Variants in ASIC2 observed in about 807,000 individuals in gnomAD.
ASIC2 encodes the protein acid-sensing ion channel 2.
In ASIC2, 25 loss-of-function variants were observed where a neutral mutation model predicts 57.3. That is an observed-to-expected ratio of 0.44 (90% CI 0.32 to 0.61). ASIC2 has a LOEUF of 0.61. Among genes scored for constraint, ASIC2 ranks in the 20% least tolerant of loss-of-function variants. The pLI, the probability that ASIC2 is intolerant of heterozygous loss-of-function variation, is 0.06. For synonymous variants in ASIC2, 319 were observed against 307.5 expected (o/e 1.04, Z -0.39); for missense variants, 641 against 738.1 (o/e 0.87, Z 1.52).
At chr17:33,320,613 C>T (rs1906831384) in intron 1 of ASIC2, among the ~76,000 whole-genome samples, 1 of 152,172 alleles carries the variant, frequency 6.6e-6, no homozygotes, top group Non-Finnish European at 1.5e-5. Flanking sequence ...CACATCATCT[C>T]GTCGGCTCAT....
At chr17:33,865,902 T>G (rs1914226322) in intron 1 of ASIC2, among the ~76,000 whole-genome samples, 1 of 152,166 alleles carries the variant, frequency 6.6e-6, no homozygotes, top group South Asian at 2.1e-4. Context: ...TTTCTATTAC[T>G]TCTTCCTAAT....
chr17:33,191,506 G>A (rs1011959318), intron 1 of ASIC2, among the ~76,000 whole-genome samples: 8 of 151,654 alleles, frequency 5.3e-5, no homozygotes, highest in African/African-American at 1.9e-4. Context: ...CCTCAATACA[G>A]CCATAAAATG....
chr17:34,068,095 TAA>T (rs1274798362), intron 1 of ASIC2, among the ~76,000 whole-genome samples: 1 of 152,196 alleles, frequency 6.6e-6, no homozygotes, highest in African/African-American at 2.4e-5. Context: ...GAGGCATTAG[TAA>T]AAGAGGTTAC....
intron 1 of ASIC2, among the ~76,000 whole-genome samples, chr17:33,558,025 T>C (rs190891910): frequency 6.6e-6 from 1 of 152,034 alleles, no homozygotes. Context: ...ATATATATTT[T>C]AAAGTCTTTA....
At chr17:33,237,264 G>A (rs1479644814) in intron 1 of ASIC2, among the ~76,000 whole-genome samples, 2 of 152,202 alleles carry the variant, frequency 1.3e-5, no homozygotes, top group African/African-American at 2.4e-5. Context: ...CTGGGCCTGA[G>A]GCTGCAGAAT....
At chr17:33,707,295 C>T (rs2142073431) in intron 1 of ASIC2, among the ~76,000 whole-genome samples, 1 of 152,236 alleles carries the variant, frequency 6.6e-6, no homozygotes, top group East Asian at 1.9e-4. Flanking sequence ...CAAATTTTCT[C>T]ATTCTAGCTC....
chr17:33,912,856 A>G lies in ASIC2; in HGVS notation c.555+243122T>C, dbSNP rs200272648. The stretch of plus-strand genomic sequence containing the variant: ...TAGCGGGGCGTGGTGGTGCATGCCT[A>G]TAATCCCAGCTACACTGGAGGCTGA... On this transcript the variant is annotated intron_variant, in intron 1 of 9. Transcript: ENST00000359872. Among the ~76,000 whole-genome samples, 47 of 151,902 alleles carry G rather than the reference A, an allele frequency of 3.1e-4. 1 individual carries two copies. In the East Asian group the frequency reaches 8.6e-3, roughly 28 times the overall value.
intron 1 of ASIC2, among the ~76,000 whole-genome samples, chr17:33,854,326 C>T (rs1292752576): frequency 6.6e-6 from 1 of 152,144 alleles, no homozygotes; most frequent in Non-Finnish European, 1.5e-5. Context: ...GTCATGTGTG[C>T]AGACCCTCAA....
chr17:33,040,263 GACCTATGGT>G (rs2091924643), intron 3 of ASIC2, among the ~76,000 whole-genome samples: 1 of 152,224 alleles, frequency 6.6e-6, no homozygotes, highest in Non-Finnish European at 1.5e-5. Flanking sequence ...ACACTCCAAT[GACCTATGGT>G]TCCAATGAAG....
intron 1 of ASIC2, among the ~76,000 whole-genome samples, chr17:34,141,026 G>T (rs1314986926): frequency 2.0e-5 from 3 of 152,286 alleles, no homozygotes; most frequent in African/African-American, 7.2e-5. Context: ...CATGCCTCCA[G>T]ATAGGCTATG....
chr17:33,304,045 TAGAG>T (rs2097613332), intron 1 of ASIC2, among the ~76,000 whole-genome samples: 1 of 152,086 alleles, frequency 6.6e-6, no homozygotes, highest in African/African-American at 2.4e-5. Flanking sequence ...CTTTTCATAA[TAGAG>T]GGAAAAAATA....
At chr17:33,580,867 C>T (rs1290718321) in intron 1 of ASIC2, among the ~76,000 whole-genome samples, 5 of 152,182 alleles carry the variant, frequency 3.3e-5, no homozygotes, top group Admixed American at 1.3e-4. Flanking sequence ...GTAATAGTGT[C>T]ATCTGCATAG....
At chr17:33,485,361 G>T (rs1597746814) in intron 1 of ASIC2, among the ~76,000 whole-genome samples, 1 of 152,186 alleles carries the variant, frequency 6.6e-6, no homozygotes, top group East Asian at 1.9e-4. Context: ...TAGAATCCAA[G>T]GGCACTGCCT....
intron 1 of ASIC2, among the ~76,000 whole-genome samples, chr17:33,254,310 C>G (rs1908984267): frequency 6.6e-6 from 1 of 152,216 alleles, no homozygotes; most frequent in Non-Finnish European, 1.5e-5. Flanking sequence ...TGTCCCTGTC[C>G]TCATACTGTC....
chr17:33,970,049 G>A (rs1156931580), intron 1 of ASIC2, among the ~76,000 whole-genome samples: 1 of 152,208 alleles, frequency 6.6e-6, no homozygotes, highest in Non-Finnish European at 1.5e-5. Context: ...CTATTTCCTC[G>A]GCAGTTCTGA....
At chr17:34,097,893 T>G (rs1304273067) in intron 1 of ASIC2, among the ~76,000 whole-genome samples, 1 of 152,256 alleles carries the variant, frequency 6.6e-6, no homozygotes, top group East Asian at 1.9e-4. Flanking sequence ...GGCAGACCAC[T>G]CCACCAATAT....
intron 1 of ASIC2, among the ~76,000 whole-genome samples, chr17:33,769,729 C>G (rs1186532919): frequency 6.6e-6 from 1 of 152,226 alleles, no homozygotes; most frequent in Non-Finnish European, 1.5e-5. Flanking sequence ...CACTCTCAAA[C>G]AGCAAACATT....
At chr17:33,669,523 G>A (rs551448232) in intron 1 of ASIC2, among the ~76,000 whole-genome samples, 3 of 152,294 alleles carry the variant, frequency 2.0e-5, no homozygotes, top group East Asian at 3.9e-4. Context: ...AGCAGCAGAA[G>A]CATGTTTACT....
rs532380730 is a variant in ASIC2, at chr17:33,474,806, T to C, written c.556-362739A>G. On this transcript the variant is annotated intron_variant, in intron 1 of 9. Transcript: ENST00000359872. ...TGGGTTTGGAGGGACAAATGCAGTATGTACAGTGTGTGGGGTATAACTAAA... is the reference window on the plus strand; with the variant it reads ...TGGGTTTGGAGGGACAAATGCAGTACGTACAGTGTGTGGGGTATAACTAAA... Among the ~76,000 whole-genome samples the C allele has an allele frequency of 2.6e-5, 4 of 152,260 alleles. No individual in the cohort carries two copies. The East Asian group carries it at 5.8e-4, about 22-fold the overall frequency.
Sources: allele counts gnomAD v4.1 joint callset (sites outside exome capture counted in the v4.1 genomes callset), GRCh38; gene constraint gnomAD v4.1.1; transcripts MANE v1.5; gene names NCBI Gene and HGNC (gene_info 2026-07-23, HGNC 2026-07-21).